BLTP1: variants seen among roughly 807,000 people sequenced by gnomAD.
BLTP1 encodes the protein fragile site-associated protein.
the BLTP1 span, among the ~76,000 whole-genome samples, chr4:122,229,463 T>C: frequency 6.6e-6 from 1 of 152,190 alleles, no homozygotes; most frequent in Non-Finnish European, 1.5e-5. Flanking sequence ...TAACATTGCT[T>C]TATGGGAAGG....
chr4:122,245,230 T>C, the BLTP1 span: 2 of 1,134,776 alleles, frequency 1.8e-6, no homozygotes, highest in Non-Finnish European at 2.6e-6. Context: ...CTTTACAAGT[T>C]AAATCAGAAT....
At chr4:122,247,817 G>C in the BLTP1 span, 1 of 989,442 alleles carries the variant, frequency 1.0e-6, no homozygotes, top group Non-Finnish European at 1.2e-6. Context: ...AAAGTCCCTA[G>C]TTAGGTAAAA....
At chr4:122,236,758 G>T in the BLTP1 span, 1 of 957,484 alleles carries the variant, frequency 1.0e-6, no homozygotes, top group South Asian at 4.8e-5. Context: ...TAACATTGAA[G>T]AAAGTAAAAT....
At chr4:122,284,765 TTAA>T in the BLTP1 span, among the ~76,000 whole-genome samples, 26 of 152,346 alleles carry the variant, frequency 1.7e-4, no homozygotes, top group Admixed American at 1.5e-3. Context: ...ATCGTTGTTA[TTAA>T]TCTCTTGTTG....
the BLTP1 span, chr4:122,313,861 T>TTA: frequency 0.027 from 4,591 of 169,122 alleles, 158 homozygotes; most frequent in African/African-American, 0.082. Context: ...TACTGTGTGT[T>TTA]TATATATATA....
the BLTP1 span, among the ~76,000 whole-genome samples, chr4:122,235,899 A>G: frequency 6.6e-6 from 1 of 152,070 alleles, no homozygotes; most frequent in Non-Finnish European, 1.5e-5. Context: ...TATTATATTT[A>G]GATTTACCTA....
At chr4:122,274,510 T>A in the BLTP1 span, 1 of 1,543,892 alleles carries the variant, frequency 6.5e-7, no homozygotes, top group Non-Finnish European at 8.7e-7. Context: ...ATAAACATGC[T>A]GAATTTTGAG....
At chr4:122,157,523 A>G in the BLTP1 span, among the ~76,000 whole-genome samples, 6 of 152,172 alleles carry the variant, frequency 3.9e-5, no homozygotes, top group Non-Finnish European at 2.9e-5. Flanking sequence ...GGTGCAGTTC[A>G]TAATTGGGTT....
the BLTP1 span, chr4:122,199,364 A>G: frequency 2.5e-6 from 4 of 1,612,198 alleles, no homozygotes; most frequent in Non-Finnish European, 3.4e-6. Context: ...ATTAGGTTAC[A>G]CTCCTGCTAT....
chr4:122,340,128 A>G, the BLTP1 span, among the ~76,000 whole-genome samples: 2 of 152,264 alleles, frequency 1.3e-5, no homozygotes, highest in South Asian at 4.1e-4. Flanking sequence ...ACCAGGAGCT[A>G]TCTTGTTGGC....
the BLTP1 span, chr4:122,195,641 C>T: frequency 1.7e-6 from 1 of 597,416 alleles, no homozygotes; most frequent in Non-Finnish European, 2.1e-6. Context: ...GTCTACTGCC[C>T]TTCTCATTAT....
the BLTP1 span, among the ~76,000 whole-genome samples, chr4:122,303,408 T>C: frequency 2.6e-5 from 4 of 152,192 alleles, no homozygotes; most frequent in Admixed American, 1.3e-4. Context: ...ACAAGGAAAT[T>C]AACGTTTTTA....
At chr4:122,247,481 G>C in the BLTP1 span, 1 of 1,183,446 alleles carries the variant, frequency 8.4e-7, no homozygotes, top group Non-Finnish European at 1.2e-6. Flanking sequence ...GAAAGAGAAA[G>C]GTATTTCTCC....
At chr4:122,281,539 A>G in the BLTP1 span, 1 of 1,580,532 alleles carries the variant, frequency 6.3e-7, no homozygotes, top group Non-Finnish European at 8.6e-7. Flanking sequence ...TTTCTAGCCC[A>G]CAGCCTGTAA....
the BLTP1 span, among the ~76,000 whole-genome samples, chr4:122,319,761 G>C: frequency 1.3e-5 from 2 of 151,942 alleles, no homozygotes; most frequent in African/African-American, 4.8e-5. Flanking sequence ...GGCTGGTCTT[G>C]AATGTCTTAC....
chr4:122,313,571 T>C, the BLTP1 span: 8 of 1,399,134 alleles, frequency 5.7e-6, no homozygotes, highest in African/African-American at 1.4e-5. Context: ...AAGAGTACAA[T>C]ATATAGTCAC....
chr4:122,220,425 A>G, the BLTP1 span: 15 of 1,612,258 alleles, frequency 9.3e-6, no homozygotes, highest in African/African-American at 1.3e-5. Context: ...CCATGCTGCA[A>G]CTTATCCTGT....
chr4:122,356,784 C>A, the BLTP1 span: 1 of 1,594,612 alleles, frequency 6.3e-7, no homozygotes, highest in African/African-American at 1.3e-5. Context: ...TTCTTTTAGG[C>A]TGCAAGAATG....
the BLTP1 span, among the ~76,000 whole-genome samples, chr4:122,341,080 C>G: frequency 6.6e-6 from 1 of 151,922 alleles, no homozygotes; most frequent in East Asian, 1.9e-4. Flanking sequence ...GGATCATATA[C>G]TTGAGATTCT....
Sources: gnomAD v4.1 joint callset for allele counts (sites outside exome capture counted in the v4.1 genomes callset) on GRCh38, gnomAD v4.1.1 for gene constraint, MANE v1.5 for transcripts, NCBI Gene and HGNC (gene_info 2026-07-23, HGNC 2026-07-21) for gene names.